Variants in ATP13A5 observed in about 807,000 individuals in gnomAD.
ATP13A5 encodes the protein ATPase 13A5.
Under a neutral mutation model 150.2 loss-of-function variants are expected in ATP13A5, and 149 were observed. The ratio of observed to expected loss-of-function variants is 0.99; its 90% confidence interval spans 0.87 to 1.14. The LOEUF is 1.14. Among genes scored for constraint, ATP13A5 ranks in the 50% most tolerant of loss-of-function variants. The probability of loss-of-function intolerance (pLI) is 0.00; values close to 1 mark genes in which losing one functional copy is unlikely to be tolerated. For missense variants in ATP13A5, 1,383 were observed against 1,449.3 expected (o/e 0.95, Z 0.74); for synonymous variants, 497 against 522.2 (o/e 0.95, Z 0.66).
At chr3:193,297,722 G>C (rs898730943) in intron 25 of ATP13A5, among the ~76,000 whole-genome samples, 5 of 152,006 alleles carry the variant, frequency 3.3e-5, no homozygotes, top group African/African-American at 1.2e-4. Context: ...GAGTTTCCCA[G>C]GGCTACCAAC....
intron 6 of ATP13A5, among the ~76,000 whole-genome samples, chr3:193,353,766 G>A (rs1183899205): frequency 6.6e-6 from 1 of 152,128 alleles, no homozygotes; most frequent in African/African-American, 2.4e-5. Context: ...CCTTGATCTT[G>A]GACTTCCCAG....
intron 5 of ATP13A5, among the ~76,000 whole-genome samples, chr3:193,360,064 T>C (rs1338013272): frequency 1.3e-5 from 2 of 152,354 alleles, no homozygotes; most frequent in East Asian, 3.9e-4. Context: ...GGCTCACTTT[T>C]GTGATATAAA....
At chr3:193,359,774 T>C (rs1712933015) in intron 5 of ATP13A5, among the ~76,000 whole-genome samples, 1 of 151,840 alleles carries the variant, frequency 6.6e-6, no homozygotes, top group South Asian at 2.1e-4. Context: ...GTGATTGGTC[T>C]GGACTTAACC....
chr3:193,343,131 A>T (rs900988412), intron 9 of ATP13A5, among the ~76,000 whole-genome samples: 2 of 152,148 alleles, frequency 1.3e-5, no homozygotes, highest in African/African-American at 4.8e-5. Flanking sequence ...TCATGTTAAA[A>T]CATTTTCCCT....
At chr3:193,295,497 T>C (rs116239581) in intron 25 of ATP13A5, among the ~76,000 whole-genome samples, 4 of 152,144 alleles carry the variant, frequency 2.6e-5, no homozygotes, top group Non-Finnish European at 5.9e-5. Context: ...TACTTTCAAC[T>C]TGCATCTTAT....
intron 28 of ATP13A5, among the ~76,000 whole-genome samples, chr3:193,279,075 GTAT>G (rs1717359592): frequency 6.6e-6 from 1 of 151,946 alleles, no homozygotes; most frequent in Non-Finnish European, 1.5e-5. Flanking sequence ...GAAAATTATT[GTAT>G]TATTGCATTA....
At chr3:193,283,778 T>G (rs1225541886) in intron 27 of ATP13A5, among the ~76,000 whole-genome samples, 1 of 151,790 alleles carries the variant, frequency 6.6e-6, no homozygotes, top group Non-Finnish European at 1.5e-5. Context: ...GTCAAAGTAA[T>G]TTACACAAGT....
At chr3:193,355,090 G>A (rs191696088) in intron 5 of ATP13A5, among the ~76,000 whole-genome samples, 172 of 152,046 alleles carry the variant, frequency 1.1e-3, no homozygotes, top group African/African-American at 2.7e-3. Context: ...GCACCATCAT[G>A]CCAGGCTAAT....
At chr3:193,326,947 C>A (rs750177674) in intron 13 of ATP13A5, 49 bp downstream of exon 13, 1 of 1,517,448 alleles carries the variant, frequency 6.6e-7, no homozygotes, top group African/African-American at 1.4e-5. Context: ...TGAGTATCAT[C>A]CAGGTAACTC....
chr3:193,340,093 G>A (rs897067781), intron 9 of ATP13A5, among the ~76,000 whole-genome samples: 1 of 152,204 alleles, frequency 6.6e-6, no homozygotes, highest in Admixed American at 6.5e-5. Context: ...GTCCAAGGCA[G>A]CTGAAGAGAG....
chr3:193,318,081 A>G (rs1719119303), intron 17 of ATP13A5, among the ~76,000 whole-genome samples: 1 of 152,234 alleles, frequency 6.6e-6, no homozygotes, highest in Non-Finnish European at 1.5e-5. Flanking sequence ...TCAAGTATTA[A>G]AATGTCATGG....
At chr3:193,332,086 C>T (rs971483651) in intron 11 of ATP13A5, among the ~76,000 whole-genome samples, 2 of 152,140 alleles carry the variant, frequency 1.3e-5, no homozygotes, top group African/African-American at 4.8e-5. Context: ...TCCCCTAATT[C>T]CCACCTGTAG....
chr3:193,327,612 A>G (rs918501969), intron 12 of ATP13A5, among the ~76,000 whole-genome samples: 8 of 152,218 alleles, frequency 5.3e-5, no homozygotes, highest in African/African-American at 1.9e-4. Flanking sequence ...ATTAATGCCC[A>G]TAAGTGGATT....
chr3:193,345,201 C>G (rs1712289757), intron 7 of ATP13A5, 126 bp from the exon 8 acceptor site: 2 of 827,420 alleles, frequency 2.4e-6, no homozygotes, highest in African/African-American at 1.7e-5. Flanking sequence ...GACTCAACTT[C>G]TTTTGATGCT....
intron 12 of ATP13A5, among the ~76,000 whole-genome samples, chr3:193,328,223 G>T (rs187174533): frequency 6.6e-6 from 1 of 152,184 alleles, no homozygotes; most frequent in Non-Finnish European, 1.5e-5. Flanking sequence ...ATCATACGGG[G>T]TATGTGGAAA....
At chr3:193,325,750 CT>C (rs1223754396) in intron 13 of ATP13A5, among the ~76,000 whole-genome samples, 2 of 152,224 alleles carry the variant, frequency 1.3e-5, no homozygotes, top group African/African-American at 4.8e-5. Context: ...CCTCTAAAGC[CT>C]GTTTTTCTCT....
chr3:193,285,959 A>G (rs77795123), intron 26 of ATP13A5, among the ~76,000 whole-genome samples: 1,607 of 152,278 alleles, frequency 0.011, 55 homozygotes, highest in East Asian at 0.072. Flanking sequence ...CATCTTTGGG[A>G]TGAGAGTTCC....
chr3:193,293,851 G>A (rs1718061790), intron 25 of ATP13A5, among the ~76,000 whole-genome samples: 1 of 151,996 alleles, frequency 6.6e-6, no homozygotes. Context: ...CAGATGGGGT[G>A]TACGAGATGC....
At chr3:193,334,531 C>T (rs1711771409) in intron 10 of ATP13A5, among the ~76,000 whole-genome samples, 1 of 152,098 alleles carries the variant, frequency 6.6e-6, no homozygotes, top group Admixed American at 6.6e-5. Context: ...AGGTGGAGTT[C>T]TTTATTACTG....
Sources: gnomAD v4.1 joint callset for allele counts (sites outside exome capture counted in the v4.1 genomes callset) on GRCh38, gnomAD v4.1.1 for gene constraint, MANE v1.5 for transcripts, NCBI Gene and HGNC (gene_info 2026-07-23, HGNC 2026-07-21) for gene names.